Variants in ANKS1B observed in about 807,000 individuals in gnomAD.
ANKS1B encodes the protein ankyrin repeat and sterile alpha motif domain-containing protein 1B.
A neutral mutation model predicts 148.3 loss-of-function variants in ANKS1B; 36 were observed. The ratio of observed to expected loss-of-function variants is 0.24; its 90% CI spans 0.19 to 0.32. ANKS1B has a LOEUF of 0.32. Among genes scored for constraint, ANKS1B ranks in the 10% least tolerant of loss-of-function variants. The probability of loss-of-function intolerance (pLI) is 1.00; values close to 1 mark genes in which losing one functional copy is unlikely to be tolerated. For synonymous variants in ANKS1B, 542 were observed against 560.8 expected, an observed-to-expected ratio of 0.97 and a Z score of 0.47; for missense variants, 1,157 against 1,542.6, an observed-to-expected ratio of 0.75 and a Z score of 4.19.
intron 11 of ANKS1B, among the ~76,000 whole-genome samples, chr12:99,411,429 A>C (rs1472101808): frequency 2.0e-5 from 3 of 152,174 alleles, no homozygotes; most frequent in African/African-American, 7.2e-5. Flanking sequence ...TATATGTACC[A>C]CATTTTCTTT....
chr12:99,149,608 C>T (rs1337819197), intron 15 of ANKS1B, among the ~76,000 whole-genome samples: 1 of 152,074 alleles, frequency 6.6e-6, no homozygotes, highest in African/African-American at 2.4e-5. Flanking sequence ...TAATTTCATT[C>T]TTCTCCCATT....
intron 8 of ANKS1B, among the ~76,000 whole-genome samples, chr12:99,735,526 T>C (rs1207487359): frequency 6.6e-6 from 1 of 152,008 alleles, no homozygotes; most frequent in Non-Finnish European, 1.5e-5. Context: ...AGTGGATAAA[T>C]TCCTGGACAT....
At chr12:99,913,070 A>G (rs2094056400) in intron 1 of ANKS1B, among the ~76,000 whole-genome samples, 1 of 152,122 alleles carries the variant, frequency 6.6e-6, no homozygotes, top group Admixed American at 6.5e-5. Context: ...ATTTTATCCA[A>G]CTGAAGTGTT....
At chr12:99,402,655 CTT>C (rs1201523754) in intron 11 of ANKS1B, among the ~76,000 whole-genome samples, 2 of 146,056 alleles carry the variant, frequency 1.4e-5, no homozygotes, top group Non-Finnish European at 3.0e-5. Context: ...TGATCTCATT[CTT>C]TTTTATGGCT....
chr12:99,668,347 C>A (rs1281156235), intron 8 of ANKS1B, among the ~76,000 whole-genome samples: 1 of 151,836 alleles, frequency 6.6e-6, no homozygotes, highest in Non-Finnish European at 1.5e-5. Flanking sequence ...TTTCTATTGG[C>A]TGTTTATATT....
At chr12:99,042,252 G>A (rs1274587163) in intron 17 of ANKS1B, among the ~76,000 whole-genome samples, 2 of 152,200 alleles carry the variant, frequency 1.3e-5, no homozygotes, top group East Asian at 3.9e-4. Flanking sequence ...AGTGTTGGCA[G>A]ATGTGATGTA....
At chr12:98,887,042 C>CTGGGAGGCAA (rs1246248757) in intron 17 of ANKS1B, among the ~76,000 whole-genome samples, 14 of 151,994 alleles carry the variant, frequency 9.2e-5, no homozygotes, top group Admixed American at 9.2e-4. Context: ...TACTAAAGGG[C>CTGGGAGGCAA]TGGGAGGCAA....
rs1204286177 is a variant in ANKS1B, at chr12:99,139,437, T to TC, written c.2526+14851dup. Among the ~76,000 whole-genome samples the TC allele has an allele frequency of 4.1e-4, 6 of 14,466 alleles. 2 individuals are homozygous for TC. Among genetic ancestry groups the TC allele is most frequent in the African/African-American group, 2.5e-3 (2 of 794 alleles). 9.5% of individuals were successfully genotyped at this position (14,466 alleles called of 152,430 possible). On this transcript the variant is annotated intron_variant, in intron 15 of 26. Transcript: ENST00000683438. ...TTCTTTCTTTCTTTCTTTCTTTCTT[T>TC]CTTTTTCTTTCTTTCTTTCTTTCAA...
At chr12:99,296,929 G>A (rs1287394275) in intron 12 of ANKS1B, among the ~76,000 whole-genome samples, 1 of 152,152 alleles carries the variant, frequency 6.6e-6, no homozygotes, top group Non-Finnish European at 1.5e-5. Flanking sequence ...GTGACTTAAA[G>A]CTGTAGTTCT....
rs530099669 is a variant in ANKS1B at position 99,897,717 on chromosome 12, G to A, written c.135-72328C>T. On this transcript the variant is annotated intron_variant, in intron 1 of 26. Transcript: ENST00000683438. ...ATACTAGTGCTTAGAACAAGGACGG[G>A]GAGCCATTTTGGCTATAAAGTTTAG... Among the ~76,000 whole-genome samples the A allele has an allele frequency of 8.3e-4, 125 of 151,042 alleles. 1 individual carries two copies. Among genetic ancestry groups the A allele is most frequent in the African/African-American group, 3.0e-3 (123 of 41,396 alleles).
At chr12:99,725,316 A>G (rs1281760705) in intron 8 of ANKS1B, among the ~76,000 whole-genome samples, 3 of 152,230 alleles carry the variant, frequency 2.0e-5, no homozygotes, top group Non-Finnish European at 4.4e-5. Context: ...AGGCAAGTTT[A>G]CCAAGCAAAT....
chr12:99,566,242 G>A (rs75772605), intron 9 of ANKS1B, among the ~76,000 whole-genome samples: 2,044 of 152,190 alleles, frequency 0.013, 40 homozygotes, highest in African/African-American at 0.045. Context: ...TCTATTACAA[G>A]CAGTAAGAGA....
chr12:99,577,816 A>G (rs552541459), intron 9 of ANKS1B, among the ~76,000 whole-genome samples: 2 of 152,170 alleles, frequency 1.3e-5, no homozygotes, highest in East Asian at 3.9e-4. Flanking sequence ...GCTGGAAACC[A>G]TTACTATTAA....
chr12:99,703,803 C>T (rs1044635160), intron 8 of ANKS1B, among the ~76,000 whole-genome samples: 5 of 152,056 alleles, frequency 3.3e-5, no homozygotes, highest in South Asian at 2.1e-4. Flanking sequence ...CAGTGCCTAG[C>T]GCAAAGCCTG....
intron 5 of ANKS1B, among the ~76,000 whole-genome samples, chr12:99,780,660 TG>T (rs1222363856): frequency 2.6e-4 from 39 of 152,182 alleles, no homozygotes. Flanking sequence ...TGATTTAGAA[TG>T]TGAATTCCTA....
chr12:99,962,078 T>C (rs187674846), intron 1 of ANKS1B, among the ~76,000 whole-genome samples: 1 of 152,350 alleles, frequency 6.6e-6, no homozygotes, highest in African/African-American at 2.4e-5. Context: ...TTAGTTGTTT[T>C]TTTTTAATTT....
chr12:99,835,583 G>A (rs1238463843), intron 1 of ANKS1B, among the ~76,000 whole-genome samples: 1 of 152,072 alleles, frequency 6.6e-6, no homozygotes, highest in African/African-American at 2.4e-5. Context: ...AATATAAAAA[G>A]TATTGAGATG....
chr12:99,354,855 T>A (rs777040112), intron 12 of ANKS1B, among the ~76,000 whole-genome samples: 24 of 152,054 alleles, frequency 1.6e-4, no homozygotes, highest in South Asian at 4.2e-4. Flanking sequence ...ACTCAAACAA[T>A]CTTTGGGATA....
At chr12:99,248,067 T>C (rs1404357372) in intron 12 of ANKS1B, among the ~76,000 whole-genome samples, 4 of 152,188 alleles carry the variant, frequency 2.6e-5, no homozygotes, top group Non-Finnish European at 5.9e-5. Flanking sequence ...ATCATCTCAT[T>C]TGACACCCAT....
Sources: allele counts gnomAD v4.1 joint callset (sites outside exome capture counted in the v4.1 genomes callset), GRCh38; gene constraint gnomAD v4.1.1; transcripts MANE v1.5; gene names NCBI Gene and HGNC (gene_info 2026-07-23, HGNC 2026-07-21).